The following CUBN variants were observed in gnomAD, a reference collection of about 807,000 sequenced individuals.
CUBN encodes 460 kDa receptor.
A neutral mutation model predicts 405.3 loss-of-function variants in CUBN; 282 were observed. The observed-to-expected ratio is 0.70, with a 90% CI of 0.63 to 0.77. The LOEUF (loss-of-function observed/expected upper bound fraction) is 0.77, where lower values mean the gene tolerates loss of function less well. CUBN is among the 30% of genes least tolerant of loss of function. The pLI, the probability that CUBN is intolerant of heterozygous loss-of-function variation, is 0.00. For synonymous variants in CUBN, 1,684 were observed against 1,617.0 expected, an observed-to-expected ratio of 1.04 and a Z score of -0.99; for missense variants, 4,514 against 4,475.2, an observed-to-expected ratio of 1.01 and a Z score of -0.25.
intron 21 of CUBN, 108 bp from the exon 22 acceptor site, chr10:17,065,746 C>T: frequency 2.3e-6 from 3 of 1,307,398 alleles, no homozygotes; most frequent in Non-Finnish European, 3.3e-6. Flanking sequence ...TTGTTCTCTA[C>T]CTCTCATCAA....
intron 21 of CUBN, 127 bp downstream of exon 21, chr10:17,067,936 TG>T: frequency 1.4e-6 from 1 of 730,682 alleles, no homozygotes; most frequent in Admixed American, 2.1e-5. Context: ...TATGTAGAAA[TG>T]GTCATTAAGA....
chr10:16,927,997 T>C (rs1275490674), intron 41 of CUBN, among the ~76,000 whole-genome samples, 160 bp downstream of exon 41: 4 of 152,134 alleles, frequency 2.6e-5, no homozygotes, highest in African/African-American at 4.8e-5. Flanking sequence ...TCAGCACTGA[T>C]GTAAGGGGAG....
At chr10:16,884,129 G>A (rs1047962614) in intron 56 of CUBN, among the ~76,000 whole-genome samples, 1 of 152,042 alleles carries the variant, frequency 6.6e-6, no homozygotes. Flanking sequence ...ACAGGGGCCC[G>A]CCACCACGCC....
intron 62 of CUBN, 121 bp downstream of exon 62, chr10:16,840,209 A>T: frequency 1.2e-6 from 1 of 843,756 alleles, no homozygotes; most frequent in Non-Finnish European, 1.9e-6. Flanking sequence ...TGTACCCTAA[A>T]ACTTAAAGTA....
chr10:17,048,932 T>C (rs939485642), intron 22 of CUBN, among the ~76,000 whole-genome samples: 1 of 152,220 alleles, frequency 6.6e-6, no homozygotes, highest in Admixed American at 6.5e-5. Flanking sequence ...CTCAAAGGAA[T>C]GGGCATTCGC....
intron 25 of CUBN, 139 bp downstream of exon 25, chr10:17,044,868 G>A (rs1835089870): frequency 4.5e-6 from 4 of 898,302 alleles, no homozygotes; most frequent in Non-Finnish European, 5.4e-6. Flanking sequence ...TTTCTTTTAT[G>A]TTTTTATTTT....
At chr10:16,902,217 G>GTA (rs1047817665) in intron 51 of CUBN, among the ~76,000 whole-genome samples, 1 of 125,950 alleles carries the variant, frequency 7.9e-6, no homozygotes, top group Non-Finnish European at 1.6e-5. Flanking sequence ...TATATATATA[G>GTA]TATATATATG....
chr10:17,044,335 T>A (rs1402259372), intron 25 of CUBN, among the ~76,000 whole-genome samples: 1 of 148,978 alleles, frequency 6.7e-6, no homozygotes, highest in Non-Finnish European at 1.5e-5. Context: ...GTTATATATA[T>A]GACATCACAA....
At chr10:16,941,089 T>C (rs1220745887) in intron 36 of CUBN, among the ~76,000 whole-genome samples, 1 of 152,194 alleles carries the variant, frequency 6.6e-6, no homozygotes, top group Non-Finnish European at 1.5e-5. Context: ...AGTTGAGTAC[T>C]TTCAAAACTT....
rs139758625 is a variant in CUBN at position 17,050,600 on chromosome 10, C to G, written c.3140-2997G>C. Among the ~76,000 whole-genome samples the G allele has an allele frequency of 1.7e-4, 26 of 152,298 alleles. No individual in the cohort carries two copies. The East Asian group carries it at 5.0e-3, about 29-fold the overall frequency. Reference sequence around the variant, plus strand: ...GTGAGACTTCAGAAAGCATGTCAGACAGGAGCTGCTACTAGGCTGGAAGCG... The same window carrying G: ...GTGAGACTTCAGAAAGCATGTCAGAGAGGAGCTGCTACTAGGCTGGAAGCG... On this transcript the variant is annotated intron_variant, in intron 22 of 66. Coordinates refer to ENST00000377833, the MANE Select transcript of CUBN (RefSeq NM_001081.4).
chr10:17,002,870 G>T (rs1420503201), intron 28 of CUBN, among the ~76,000 whole-genome samples: 2 of 152,310 alleles, frequency 1.3e-5, no homozygotes, highest in East Asian at 1.9e-4. Flanking sequence ...TTGCAGAAAA[G>T]ATATAAGTGA....
intron 31 of CUBN, among the ~76,000 whole-genome samples, chr10:16,958,286 C>T (rs192998521): frequency 1.6e-4 from 24 of 152,220 alleles, no homozygotes; most frequent in African/African-American, 5.5e-4. Context: ...AGTAATACTT[C>T]ACAAGGAATG....
intron 13 of CUBN, among the ~76,000 whole-genome samples, chr10:17,102,629 T>C (rs1174419233): frequency 6.5e-5 from 8 of 123,662 alleles, no homozygotes; most frequent in Admixed American, 8.6e-5. Context: ...TTTTGTGAGA[T>C]GGAGTCTTAC....
chr10:16,939,814 G>T (rs1842606030), intron 37 of CUBN, among the ~76,000 whole-genome samples: 1 of 152,076 alleles, frequency 6.6e-6, no homozygotes, highest in Admixed American at 6.6e-5. Flanking sequence ...AGCTTAAAAA[G>T]AACAATAGAA....
chr10:16,891,778 A>G (rs1025898310), intron 54 of CUBN, among the ~76,000 whole-genome samples: 2 of 152,152 alleles, frequency 1.3e-5, no homozygotes, highest in East Asian at 1.9e-4. Context: ...AGAGGTCTCA[A>G]CTAGGAGCAA....
intron 40 of CUBN, among the ~76,000 whole-genome samples, chr10:16,929,122 A>C (rs1451949292): frequency 1.3e-5 from 2 of 152,156 alleles, no homozygotes; most frequent in African/African-American, 2.4e-5. Flanking sequence ...TTTTTTAAAC[A>C]AAACTTTTCA....
At chr10:16,964,518 C>T (rs1046210497) in intron 31 of CUBN, among the ~76,000 whole-genome samples, 1 of 152,140 alleles carries the variant, frequency 6.6e-6, no homozygotes, top group Admixed American at 6.5e-5. Flanking sequence ...ACCAAAATTT[C>T]AATAGCTTGT....
At chr10:17,019,568 C>T (rs745499529) in intron 28 of CUBN, among the ~76,000 whole-genome samples, 13 of 152,188 alleles carry the variant, frequency 8.5e-5, no homozygotes, top group Non-Finnish European at 1.6e-4. Flanking sequence ...CATTCTGCTT[C>T]TTTCTTTATC....
chr10:16,836,114 T>A lies in CUBN; in HGVS notation c.10180+121A>T, dbSNP rs549458828. On this transcript the variant is annotated intron_variant, in intron 63 of 66. Coordinates refer to ENST00000377833, the MANE Select transcript of CUBN (RefSeq NM_001081.4). ...GGTTCTAGTTAAGAGAGGGATGTGGTTTTTGTTAACAAATCCTAATTTACT... is the reference window on the plus strand; with the variant it reads ...GGTTCTAGTTAAGAGAGGGATGTGGATTTTGTTAACAAATCCTAATTTACT... The A allele has an allele frequency of 7.0e-4, 713 of 1,012,614 alleles. 5 individuals are homozygous for A. Among genetic ancestry groups the A allele is most frequent in the South Asian group, 4.2e-3 (309 of 74,012 alleles). 62.7% of individuals were successfully genotyped at this position (1,012,614 alleles called of 1,614,324 possible). A position where few individuals can be genotyped will look rare whatever the true frequency, so the allele number is the denominator to read the frequency against.
Sources: allele counts gnomAD v4.1 joint callset (sites outside exome capture counted in the v4.1 genomes callset), GRCh38; gene constraint gnomAD v4.1.1; transcripts MANE v1.5; gene names NCBI Gene and HGNC (gene_info 2026-07-23, HGNC 2026-07-21).